The following CSMD3 variants were observed in gnomAD, a reference collection of about 807,000 sequenced individuals.
CSMD3 encodes the protein CUB and Sushi multiple domains 3.
A neutral mutation model predicts 435.2 loss-of-function variants in CSMD3; 177 were observed. The ratio of observed to expected loss-of-function variants is 0.41; its 90% CI spans 0.36 to 0.46. CSMD3 has a LOEUF of 0.46. Among genes scored for constraint, CSMD3 ranks in the 20% least tolerant of loss-of-function variants. CSMD3 has a pLI of 0.34. For synonymous variants in CSMD3, 1,656 were observed against 1,520.5 expected (o/e 1.09, Z -2.07); for missense variants, 4,265 against 4,504.6 (o/e 0.95, Z 1.52).
chr8:113,226,902 A>C (rs117771716), intron 3 of CSMD3, among the ~76,000 whole-genome samples: 4,488 of 151,692 alleles, frequency 0.03, 86 homozygotes, highest in Non-Finnish European at 0.04. Flanking sequence ...ACAATTTGAC[A>C]ATTGTACCAT....
At chr8:113,342,959 G>A (rs553274717) in intron 1 of CSMD3, among the ~76,000 whole-genome samples, 83 of 152,090 alleles carry the variant, frequency 5.5e-4, no homozygotes, top group Middle Eastern at 3.4e-3. Flanking sequence ...TAATTAAGAA[G>A]AGGAGAAGGA....
At chr8:112,423,866 A>T (rs535092645) in intron 32 of CSMD3, among the ~76,000 whole-genome samples, 1 of 152,232 alleles carries the variant, frequency 6.6e-6, no homozygotes, top group South Asian at 2.1e-4. Context: ...ATATATATAC[A>T]TATGTAAGTA....
At chr8:112,752,713 A>T (rs1373514740) in intron 13 of CSMD3, among the ~76,000 whole-genome samples, 1 of 152,206 alleles carries the variant, frequency 6.6e-6, no homozygotes, top group Non-Finnish European at 1.5e-5. Flanking sequence ...TATGAGTAAG[A>T]TTCTATTTTT....
intron 3 of CSMD3, among the ~76,000 whole-genome samples, chr8:113,181,956 C>T (rs188673766): frequency 3.0e-4 from 46 of 152,008 alleles, no homozygotes; most frequent in Middle Eastern, 3.4e-3. Flanking sequence ...TGTGTTAAGC[C>T]GATCATGGAT....
chr8:112,582,988 A>G (rs1428943285), intron 23 of CSMD3, among the ~76,000 whole-genome samples: 1 of 152,030 alleles, frequency 6.6e-6, no homozygotes, highest in Non-Finnish European at 1.5e-5. Context: ...GTCGTTTATA[A>G]ACCACCTGGT....
At chr8:112,514,173 G>A (rs1823437011) in intron 28 of CSMD3, among the ~76,000 whole-genome samples, 1 of 152,064 alleles carries the variant, frequency 6.6e-6, no homozygotes, top group Non-Finnish European at 1.5e-5. Flanking sequence ...GAACACAGGT[G>A]TGCATCTATT....
intron 5 of CSMD3, among the ~76,000 whole-genome samples, chr8:113,079,620 A>G (rs2131445494): frequency 6.6e-6 from 1 of 152,304 alleles, no homozygotes; most frequent in Non-Finnish European, 1.5e-5. Flanking sequence ...CTTCTTGTAG[A>G]AACTTAGATC....
At chr8:112,593,630 A>T (rs1831394726) in intron 22 of CSMD3, among the ~76,000 whole-genome samples, 1 of 152,188 alleles carries the variant, frequency 6.6e-6, no homozygotes, top group African/African-American at 2.4e-5. Flanking sequence ...ATATATGTAC[A>T]CATATTGAGA....
In CSMD3 at chr8:112,960,398, A is replaced by G. The variant is rs191467306; in HGVS notation, c.1343-5637T>C. ...GATTTACTACTGTATTAATAATACA[A>G]TCTTCTGAGAAAACAATACATCTTA... On this transcript the variant is annotated intron_variant, in intron 7 of 70. Transcript: ENST00000297405. Among the ~76,000 whole-genome samples the G allele has an allele frequency of 4.0e-5, 6 of 151,846 alleles. No homozygotes were observed. The East Asian group carries it at 1.2e-3, about 29-fold the overall frequency.
At chr8:112,899,934 A>T (rs2082064747) in intron 10 of CSMD3, among the ~76,000 whole-genome samples, 1 of 151,034 alleles carries the variant, frequency 6.6e-6, no homozygotes, top group Admixed American at 6.6e-5. Flanking sequence ...TTTATTTGTT[A>T]GAATAAAGTA....
At chr8:112,587,434 G>C (rs1830827434) in intron 22 of CSMD3, among the ~76,000 whole-genome samples, 199 bp from the exon 23 acceptor site, 1 of 151,676 alleles carries the variant, frequency 6.6e-6, no homozygotes, top group South Asian at 2.1e-4. Flanking sequence ...AGCCCATGGA[G>C]AGGACACTGT....
chr8:113,321,366 T>G (rs977631091), intron 1 of CSMD3, among the ~76,000 whole-genome samples: 7 of 152,106 alleles, frequency 4.6e-5, no homozygotes, highest in African/African-American at 1.7e-4. Context: ...GAAGCTGACC[T>G]AGGAATAGTT....
At chr8:112,227,162 G>C (rs1191152021) in intron 70 of CSMD3, among the ~76,000 whole-genome samples, 1 of 152,124 alleles carries the variant, frequency 6.6e-6, no homozygotes, top group African/African-American at 2.4e-5. Context: ...TTAAAAGGTA[G>C]AAACAACTCA....
At chr8:112,336,623 A>G in intron 44 of CSMD3, 29 bp downstream of exon 44, 1 of 1,501,810 alleles carries the variant, frequency 6.7e-7, no homozygotes, top group Non-Finnish European at 9.3e-7. Context: ...ATATAATTGA[A>G]TAAATCAATA....
intron 5 of CSMD3, among the ~76,000 whole-genome samples, chr8:113,066,129 G>GAAAAAAAAAAAA (rs532343282): frequency 2.0e-5 from 1 of 49,188 alleles, no homozygotes; most frequent in African/African-American, 7.8e-5. Flanking sequence ...CCAAGAAAAA[G>GAAAAAAAAAAAA]AAAAAAAAAA....
At chr8:113,024,664 T>C (rs1027036109) in intron 5 of CSMD3, among the ~76,000 whole-genome samples, 33 of 152,304 alleles carry the variant, frequency 2.2e-4, no homozygotes, top group Middle Eastern at 3.4e-3. Context: ...TGAAGTGATA[T>C]CTCATTGTGG....
intron 6 of CSMD3, among the ~76,000 whole-genome samples, chr8:113,017,250 T>A (rs969614586): frequency 6.6e-6 from 1 of 151,926 alleles, no homozygotes; most frequent in South Asian, 2.1e-4. Context: ...AATTCCAATC[T>A]TAAAAATACT....
intron 17 of CSMD3, among the ~76,000 whole-genome samples, chr8:112,664,766 T>G (rs1050583270): frequency 3.3e-5 from 5 of 151,888 alleles, no homozygotes; most frequent in African/African-American, 1.2e-4. Flanking sequence ...GAAAATCACG[T>G]GAAGATAAAT....
intron 52 of CSMD3, 45 bp from the exon 53 acceptor site, chr8:112,302,011 G>T: frequency 1.5e-6 from 2 of 1,322,932 alleles, no homozygotes; most frequent in East Asian, 2.4e-5. Context: ...ATATAGTCAA[G>T]CTGCACTTGT....
Sources: allele counts gnomAD v4.1 joint callset (sites outside exome capture counted in the v4.1 genomes callset), GRCh38; gene constraint gnomAD v4.1.1; transcripts MANE v1.5; gene names NCBI Gene and HGNC (gene_info 2026-07-23, HGNC 2026-07-21).